Variants in ZDHHC17 observed in about 807,000 individuals in gnomAD.
ZDHHC17 encodes zDHHC palmitoyltransferase 17.
In ZDHHC17, 40 loss-of-function variants were observed where a neutral mutation model predicts 90.3. That is an observed-to-expected ratio of 0.44 (90% CI 0.34 to 0.58). ZDHHC17 has a LOEUF of 0.58. Ranked by LOEUF, ZDHHC17 falls within the 20% of genes least tolerant of loss-of-function variation. ZDHHC17 has a pLI of 0.01. For synonymous variants in ZDHHC17, 235 were observed against 252.4 expected (o/e 0.93, Z 0.65); for missense variants, 614 against 780.8 (o/e 0.79, Z 2.55).
At chr12:76,846,719 C>A (rs1367752414) in intron 14 of ZDHHC17, 40 bp downstream of exon 14, 2 of 1,484,618 alleles carry the variant, frequency 1.3e-6, no homozygotes, top group African/African-American at 2.8e-5. Flanking sequence ...AAACAAATTT[C>A]TGCATACTTA....
At chr12:76,826,843 CAA>C (rs1470278926) in intron 8 of ZDHHC17, 63 bp from the exon 9 acceptor site, 1 of 1,446,408 alleles carries the variant, frequency 6.9e-7, no homozygotes, top group African/African-American at 1.5e-5. Flanking sequence ...ACAAAGGTAA[CAA>C]TGATTCAGAT....
chr12:76,839,999 C>A (rs1953413139), intron 10 of ZDHHC17: 1 of 152,212 alleles, frequency 6.6e-6, no homozygotes, highest in Non-Finnish European at 1.5e-5. Flanking sequence ...TTAATACTTG[C>A]TCTACCTCTA....
At chr12:76,796,103 CA>C (rs1952816267) in intron 1 of ZDHHC17, among the ~76,000 whole-genome samples, 1 of 152,090 alleles carries the variant, frequency 6.6e-6, no homozygotes, top group African/African-American at 2.4e-5. Flanking sequence ...GAACTTTCCA[CA>C]AAATTTGAAT....
At chr12:76,773,722 T>C (rs960700131) in intron 1 of ZDHHC17, among the ~76,000 whole-genome samples, 3 of 152,206 alleles carry the variant, frequency 2.0e-5, no homozygotes, top group Non-Finnish European at 2.9e-5. Flanking sequence ...TACAATTTAT[T>C]TTTTACTTAT....
intron 10 of ZDHHC17, chr12:76,840,415 AC>A (rs1953419598): frequency 1.4e-5 from 2 of 146,906 alleles, no homozygotes; most frequent in Admixed American, 1.4e-4. Context: ...ATCTTGGCTC[AC>A]TGGAAACTCC....
At chr12:76,829,288 C>T (rs1052036380) in intron 10 of ZDHHC17, among the ~76,000 whole-genome samples, 2 of 151,918 alleles carry the variant, frequency 1.3e-5, no homozygotes, top group South Asian at 2.1e-4. Context: ...GAAACCCCAT[C>T]TCTACTAAAA....
At chr12:76,801,547 G>A (rs143749135) in intron 2 of ZDHHC17, among the ~76,000 whole-genome samples, 2,447 of 151,992 alleles carry the variant, frequency 0.016, 32 homozygotes, top group Middle Eastern at 0.041. Flanking sequence ...CCAGCTACTC[G>A]GGAGGCTGAA....
chr12:76,841,467 C>T (rs902866874), intron 10 of ZDHHC17, among the ~76,000 whole-genome samples: 13 of 151,858 alleles, frequency 8.6e-5, no homozygotes, highest in East Asian at 5.8e-4. Context: ...ATATTTCTTA[C>T]GTTTTTATGA....
intron 14 of ZDHHC17, among the ~76,000 whole-genome samples, chr12:76,847,123 G>A (rs1338185472): frequency 2.0e-5 from 3 of 152,198 alleles, no homozygotes; most frequent in African/African-American, 7.2e-5. Flanking sequence ...GCCTATTAGA[G>A]AATATTAGTA....
intron 1 of ZDHHC17, among the ~76,000 whole-genome samples, chr12:76,769,434 T>C (rs1214870870): frequency 6.6e-6 from 1 of 152,126 alleles, no homozygotes; most frequent in Non-Finnish European, 1.5e-5. Flanking sequence ...ATATTATATG[T>C]GTGTGTGTAT....
chr12:76,824,141 G>C (rs1469303003), intron 8 of ZDHHC17, among the ~76,000 whole-genome samples: 1 of 151,944 alleles, frequency 6.6e-6, no homozygotes, highest in Admixed American at 6.6e-5. Context: ...TTTAGATGTT[G>C]CATTAATATG....
At chr12:76,832,938 ACTTTTT>A (rs202080686) in intron 10 of ZDHHC17, among the ~76,000 whole-genome samples, 1,685 of 152,302 alleles carry the variant, frequency 0.011, 11 homozygotes, top group Non-Finnish European at 0.017. Context: ...AATTCATGGC[ACTTTTT>A]CAGTGCCATG....
intron 2 of ZDHHC17, among the ~76,000 whole-genome samples, chr12:76,802,048 T>C (rs943633431): frequency 6.6e-6 from 1 of 152,240 alleles, no homozygotes; most frequent in Non-Finnish European, 1.5e-5. Flanking sequence ...TATTGAGATC[T>C]TTATTTTTTC....
At chr12:76,797,859 G>T (rs1239144404) in intron 2 of ZDHHC17, among the ~76,000 whole-genome samples, 2 of 151,812 alleles carry the variant, frequency 1.3e-5, no homozygotes, top group African/African-American at 4.8e-5. Context: ...CGGGAGAATC[G>T]CTTGAACCCA....
intron 10 of ZDHHC17, among the ~76,000 whole-genome samples, chr12:76,832,906 ACT>A (rs1368382599): frequency 1.3e-5 from 2 of 152,162 alleles, no homozygotes; most frequent in Non-Finnish European, 2.9e-5. Context: ...CAAATTTTTC[ACT>A]GTTTTGTTCA....
intron 15 of ZDHHC17, 120 bp from the exon 16 acceptor site, chr12:76,849,256 C>T (rs1953533759): frequency 2.0e-6 from 1 of 509,556 alleles, no homozygotes; most frequent in East Asian, 3.6e-5. Context: ...TCACTTGAGC[C>T]CACCCAAGAG....
intron 1 of ZDHHC17, among the ~76,000 whole-genome samples, chr12:76,771,281 C>T (rs553619085): frequency 4.6e-5 from 7 of 152,264 alleles, no homozygotes; most frequent in African/African-American, 1.2e-4. Context: ...GAAACTTCAG[C>T]CTTCTGTGAA....
chr12:76,778,986 C>T (rs2137721089), intron 1 of ZDHHC17, among the ~76,000 whole-genome samples: 1 of 152,288 alleles, frequency 6.6e-6, no homozygotes, highest in South Asian at 2.1e-4. Flanking sequence ...TTTAAAAGGA[C>T]AGTAATCACA....
At chr12:76,781,793 T>C in intron 1 of ZDHHC17, 1 of 402,656 alleles carries the variant, frequency 2.5e-6, no homozygotes. Flanking sequence ...ATTCATGTAA[T>C]GTAATACCAT....
Sources: gnomAD v4.1 joint callset for allele counts (sites outside exome capture counted in the v4.1 genomes callset) on GRCh38, gnomAD v4.1.1 for gene constraint, MANE v1.5 for transcripts, NCBI Gene and HGNC (gene_info 2026-07-23, HGNC 2026-07-21) for gene names.